The following PARG variants were observed in gnomAD, a reference collection of about 807,000 sequenced individuals.
PARG encodes the protein poly(ADP-ribose) glycohydrolase.
PARG carries 35 observed loss-of-function variants against 113.0 expected under a neutral mutation model. That is an observed-to-expected ratio of 0.31 (90% CI 0.24 to 0.41). The LOEUF is 0.41. Ranked by LOEUF, PARG falls within the 10% of genes least tolerant of loss-of-function variation. The probability of loss-of-function intolerance (pLI) is 1.00; values close to 1 mark genes in which losing one functional copy is unlikely to be tolerated. For synonymous variants in PARG, 330 were observed against 409.9 expected, an observed-to-expected ratio of 0.81 and a Z score of 2.36; for missense variants, 797 against 1,169.4, an observed-to-expected ratio of 0.68 and a Z score of 4.64.
In PARG at chr10:49,846,620, A is replaced by C. The variant is rs182390443; in HGVS notation, c.2354-2988T>G. On this transcript the variant is annotated intron_variant, in intron 13 of 17. Coordinates refer to ENST00000616448, the MANE Select transcript of PARG (RefSeq NM_003631.5). ...CTTAAACAAACGAGAAAAATTGAAG[A>C]TATTGGGAGCCACATTCTTCATTGT... Among the ~76,000 whole-genome samples, 619 of 152,330 alleles carry C rather than the reference A, an allele frequency of 4.1e-3. 8 individuals carry two copies. The highest frequency in any genetic ancestry group is 0.014 in the African/African-American group (594 of 41,572).
intron 6 of PARG, among the ~76,000 whole-genome samples, chr10:49,920,491 T>TAC (rs1837771411): frequency 4.0e-5 from 4 of 99,426 alleles, no homozygotes; most frequent in East Asian, 2.3e-4. Flanking sequence ...TATATATATA[T>TAC]ATATATACAC....
At chr10:49,920,519 T>C (rs1554848969) in intron 6 of PARG, among the ~76,000 whole-genome samples, 2 of 135,850 alleles carry the variant, frequency 1.5e-5, no homozygotes, top group South Asian at 2.3e-4. Flanking sequence ...CACATATATA[T>C]GTATATACAT....
intron 6 of PARG, among the ~76,000 whole-genome samples, chr10:49,917,461 C>T (rs542563526): frequency 1.5e-3 from 216 of 147,494 alleles, no homozygotes; most frequent in Non-Finnish European, 2.5e-3. Flanking sequence ...TGCACTCCAG[C>T]CTGGGTGACA....
At chr10:49,917,732 C>T (rs1457482749) in intron 6 of PARG, among the ~76,000 whole-genome samples, 1 of 147,250 alleles carries the variant, frequency 6.8e-6, no homozygotes, top group Non-Finnish European at 1.5e-5. Context: ...ATGGGAGGAT[C>T]GCTTAAGCAA....
chr10:49,935,967 G>C (rs1174562647), intron 1 of PARG, among the ~76,000 whole-genome samples: 232 of 152,240 alleles, frequency 1.5e-3, no homozygotes, highest in South Asian at 6.4e-3. Flanking sequence ...ATAAATCTGA[G>C]GGGCAAGAGG....
At chr10:49,838,549 A>G (rs1845067644) in intron 15 of PARG, among the ~76,000 whole-genome samples, 1 of 152,028 alleles carries the variant, frequency 6.6e-6, no homozygotes, top group South Asian at 2.1e-4. Flanking sequence ...TCAACTTCCT[A>G]AGAAGTGAAC....
At position 49,933,510 on chromosome 10, in the gene PARG, C is replaced by A; in HGVS notation, c.938G>T (p.Cys313Phe). ...CTCCTCATCTGCTTCTGAGTCTTGA[C>A]AACTATTTTTAGAATTATCCACATC... is the stretch of plus-strand genomic sequence containing the variant. ...PMDVDNSKNS[C>F]QDSEADEETS... The change falls in exon 3 of 18, where the codon TGT becomes TTT. Residue 313 changes from cysteine (C) to phenylalanine (F), a missense_variant. Cys to Phe is a radical substitution (Grantham distance 205, BLOSUM62 -2). Around this residue, in one of 5 missense-constraint regions of PARG, gnomAD observed 252 missense variants for 437.4 expected, o/e 0.58. Coordinates refer to ENST00000616448, the MANE Select transcript of PARG (RefSeq NM_003631.5). 8 of 1,610,866 alleles carry A rather than the reference C, an allele frequency of 5.0e-6. No individual in the cohort carries two copies. The highest frequency in any genetic ancestry group is 6.8e-6 in the Non-Finnish European group (8 of 1,177,248).
At chr10:49,878,195 G>A (rs4012536) in intron 9 of PARG, among the ~76,000 whole-genome samples, 27,319 of 144,402 alleles carry the variant, frequency 0.19, 3,064 homozygotes, top group Non-Finnish European at 0.27. Context: ...ACTGTGATGA[G>A]TACTCTTCAA....
chr10:49,925,350 C>A (rs2664669), intron 4 of PARG, among the ~76,000 whole-genome samples: 4 of 152,198 alleles, frequency 2.6e-5, no homozygotes, highest in Admixed American at 2.6e-4. Flanking sequence ...ACCCAGACAT[C>A]CCTTTCTATT....
intron 6 of PARG, among the ~76,000 whole-genome samples, chr10:49,919,547 G>T (rs1354093871): frequency 1.3e-5 from 2 of 151,934 alleles, no homozygotes; most frequent in Admixed American, 6.6e-5. Context: ...TCCAGATGTG[G>T]TAATTACATG....
At chr10:49,905,506 A>T (rs1475766432) in intron 7 of PARG, among the ~76,000 whole-genome samples, 1 of 152,180 alleles carries the variant, frequency 6.6e-6, no homozygotes, top group African/African-American at 2.4e-5. Context: ...ACTTGCTACA[A>T]AGGAAGTCAA....
At chr10:49,893,123 G>T (rs1847892345) in intron 7 of PARG, among the ~76,000 whole-genome samples, 1 of 98,416 alleles carries the variant, frequency 1.0e-5, no homozygotes, top group South Asian at 4.2e-4. Context: ...TGGGTAATAG[G>T]GTAAGTATAT....
intron 4 of PARG, among the ~76,000 whole-genome samples, chr10:49,929,550 G>A (rs1283349886): frequency 2.0e-5 from 3 of 152,208 alleles, no homozygotes; most frequent in African/African-American, 7.2e-5. Flanking sequence ...GTTTTTGGCT[G>A]GGCGCGGTGG....
At chr10:49,910,750 T>C (rs1414533408) in intron 7 of PARG, among the ~76,000 whole-genome samples, 1 of 152,214 alleles carries the variant, frequency 6.6e-6, no homozygotes, top group Non-Finnish European at 1.5e-5. Context: ...AAGCTCTTTA[T>C]AATAACATTT....
At chr10:49,837,175 G>C (rs1446138170) in intron 15 of PARG, among the ~76,000 whole-genome samples, 1 of 152,058 alleles carries the variant, frequency 6.6e-6, no homozygotes. Flanking sequence ...AAGACCGGTG[G>C]AGCCTGGATG....
At chr10:49,850,801 T>A (rs1554834094) in intron 13 of PARG, among the ~76,000 whole-genome samples, 1 of 152,100 alleles carries the variant, frequency 6.6e-6, no homozygotes, top group African/African-American at 2.4e-5. Context: ...CTTCCTTCCC[T>A]CCTTCATGGG....
Position 49,933,960 on chromosome 10 carries a change from T to G in PARG, c.488A>C (p.His163Pro). ...TTCACTTTCCAAAAGCTGCTCCGTG[T>G]GTTTCCCTTCATTTTGCCACTTACA... The part of the protein sequence containing the change: ...AMCKWQNEGK[H>P]TEQLLESEPQ... Residue 163 changes from histidine to proline, a missense_variant, in exon 3 of 18, where the codon CAC becomes CCC. Coordinates refer to ENST00000616448, the MANE Select transcript of PARG (RefSeq NM_003631.5). 1.2e-6 allele frequency: 2 copies of G among 1,600,840 alleles called. No individual in the cohort carries two copies. Among genetic ancestry groups the G allele is most frequent in the African/African-American group, 1.3e-5 (1 of 74,806 alleles).
intron 16 of PARG, among the ~76,000 whole-genome samples, chr10:49,831,621 T>C (rs1472065091): frequency 6.6e-6 from 1 of 152,174 alleles, no homozygotes; most frequent in Non-Finnish European, 1.5e-5. Flanking sequence ...GAGACTTCAA[T>C]GAAATCTTTG....
At chr10:49,820,579 G>C (rs1051979466) in intron 16 of PARG, among the ~76,000 whole-genome samples, 1 of 151,876 alleles carries the variant, frequency 6.6e-6, no homozygotes, top group Non-Finnish European at 1.5e-5. Context: ...AAATTTAGCC[G>C]GGTGTGGTGG....
Sources: gnomAD v4.1 joint callset for allele counts (sites outside exome capture counted in the v4.1 genomes callset) on GRCh38, gnomAD v4.1.1 for gene constraint, gnomAD v4.1.1 regional missense constraint, MANE v1.5 for transcripts, NCBI Gene and HGNC (gene_info 2026-07-23, HGNC 2026-07-21) for gene names.